The following ELAVL1 variants were observed in gnomAD, a reference collection of about 807,000 sequenced individuals.
ELAVL1 encodes ELAV like RNA binding protein 1.
In ELAVL1, 1 loss-of-function variant was observed where a neutral mutation model predicts 28.4. The observed-to-expected ratio is 0.04, with a 90% confidence interval of 0.01 to 0.17. The LOEUF (loss-of-function observed/expected upper bound fraction) is 0.17. ELAVL1 is among the 10% of genes least tolerant of loss of function. The pLI is 1.00. For synonymous variants in ELAVL1, 174 were observed against 183.5 expected, an observed-to-expected ratio of 0.95 and a Z score of 0.42; for missense variants, 157 against 447.2, an observed-to-expected ratio of 0.35 and a Z score of 5.85.
intron 4 of ELAVL1, among the ~76,000 whole-genome samples, chr19:7,968,521 T>G (rs879462415): frequency 6.6e-6 from 1 of 152,174 alleles, no homozygotes; most frequent in African/African-American, 2.4e-5. Flanking sequence ...GCTGAACCTA[T>G]CCACAGGCTC....
rs1264668210 is a variant in ELAVL1 at position 7,969,829 on chromosome 19, TGAAAGGAA to T, written c.431-2047_431-2040del. ...GGCTTTCAAATGCAAACTGCCTGAGTGAAAGGAAGAAAGCTCTAGTAAGGGGGGCAGGA... is the reference window on the plus strand; with the variant it reads ...GGCTTTCAAATGCAAACTGCCTGAGTGAAAGCTCTAGTAAGGGGGGCAGGA... On this transcript the variant is annotated intron_variant, in intron 4 of 5. Transcript: ENST00000407627. Among the ~76,000 whole-genome samples, 14 of 151,600 alleles carry T rather than the reference TGAAAGGAA, an allele frequency of 9.2e-5. No homozygotes were observed. The East Asian group carries it at 2.7e-3, about 29-fold the overall frequency.
intron 2 of ELAVL1, among the ~76,000 whole-genome samples, chr19:7,987,242 C>T (rs1985631702): frequency 6.6e-6 from 1 of 152,044 alleles, no homozygotes; most frequent in Admixed American, 6.5e-5. Context: ...GGCTTTAACC[C>T]GACCAGAGAT....
intron 1 of ELAVL1, among the ~76,000 whole-genome samples, chr19:7,993,408 C>T (rs1177526129): frequency 6.6e-6 from 1 of 152,242 alleles, no homozygotes; most frequent in Non-Finnish European, 1.5e-5. Flanking sequence ...TGGTCCTCTG[C>T]ACCTGTTTAT....
chr19:7,975,817 G>A (rs1985265947), intron 3 of ELAVL1, among the ~76,000 whole-genome samples: 2 of 152,200 alleles, frequency 1.3e-5, no homozygotes, highest in Non-Finnish European at 2.9e-5. Context: ...ATAAAAGAGG[G>A]AAATTTAGGC....
Position 7,967,555 on chromosome 19 carries a change from C to A in ELAVL1, c.656+10G>T. On this transcript the variant is annotated intron_variant, in intron 5 of 5. Coordinates refer to ENST00000407627, the MANE Select transcript of ELAVL1 (RefSeq NM_001419.3). ...TATGGCTTTCAGGAGCGCGCACCCT[C>A]CCGACCCACCTGAATCTCTGCGCCT... The A allele has an allele frequency of 6.2e-7, 1 of 1,613,052 alleles. No homozygotes were observed. Among genetic ancestry groups the A allele is most frequent in the Non-Finnish European group, 8.5e-7 (1 of 1,179,696 alleles).
intron 3 of ELAVL1, among the ~76,000 whole-genome samples, chr19:7,974,394 C>T (rs1053108888): frequency 4.6e-5 from 7 of 152,226 alleles, no homozygotes; most frequent in South Asian, 2.1e-4. Flanking sequence ...CAATATTAAA[C>T]GACTCAATGC....
intron 1 of ELAVL1, among the ~76,000 whole-genome samples, chr19:7,997,259 G>A (rs763674991): frequency 2.0e-5 from 3 of 152,150 alleles, no homozygotes; most frequent in Non-Finnish European, 2.9e-5. Context: ...TGTGCAGAGC[G>A]GCATTATTCA....
rs62123122 is a variant in ELAVL1, at chr19:7,982,787, C to T, written c.173-1601G>A. Among the ~76,000 whole-genome samples the T allele has an allele frequency of 0.06, 9,185 of 152,282 alleles. 289 individuals are homozygous for T. The highest frequency in any genetic ancestry group is 0.07 in the Non-Finnish European group (4,776 of 68,036). On this transcript the variant is annotated intron_variant, in intron 2 of 5. Transcript: ENST00000407627. This position sits in a 1 kb window ranked among gnomAD's most constrained non-coding sequence, Gnocchi z 4.3. ...CAGTCACATCCCCTCAGGCTCCTCT[C>T]GACTATGACAGTTTCTTGTTTCTCG...
chr19:7,979,775 C>T lies in ELAVL1; in HGVS notation c.276+1308G>A, dbSNP rs926428275. On this transcript the variant is annotated intron_variant, in intron 3 of 5. Coordinates refer to ENST00000407627, the MANE Select transcript of ELAVL1 (RefSeq NM_001419.3). The surrounding 1 kb of genome is among the most constrained non-coding windows in gnomAD (Gnocchi z 5.4). Reference sequence around the variant, plus strand: ...CACACCACGTCCATGCGGCATGGGGCAGGTCTGGGAGAGCTGCTGCTGAGC... The same window carrying T: ...CACACCACGTCCATGCGGCATGGGGTAGGTCTGGGAGAGCTGCTGCTGAGC... Among the ~76,000 whole-genome samples the T allele has an allele frequency of 6.6e-6, 1 of 152,200 alleles. No individual in the cohort carries two copies. Among genetic ancestry groups the T allele is most frequent in the African/African-American group, 2.4e-5 (1 of 41,454 alleles).
chr19:8,003,060 G>A (rs1021258428), intron 1 of ELAVL1, among the ~76,000 whole-genome samples: 4 of 152,158 alleles, frequency 2.6e-5, no homozygotes, highest in Non-Finnish European at 4.4e-5. Flanking sequence ...TTTTCATAAA[G>A]TTTTTTCATA....
At chr19:7,978,760 G>A (rs1237237225) in intron 3 of ELAVL1, among the ~76,000 whole-genome samples, 1 of 152,158 alleles carries the variant, frequency 6.6e-6, no homozygotes, top group Non-Finnish European at 1.5e-5. Context: ...CCCCCAAAGG[G>A]TGACTGGCAT....
At chr19:7,975,280 A>G (rs1467254029) in intron 3 of ELAVL1, among the ~76,000 whole-genome samples, 1 of 152,106 alleles carries the variant, frequency 6.6e-6, no homozygotes, top group Non-Finnish European at 1.5e-5. Context: ...CCAAACCATG[A>G]CCCTGGCGCC....
intron 2 of ELAVL1, among the ~76,000 whole-genome samples, chr19:7,989,632 G>C (rs966239953): frequency 6.6e-6 from 1 of 152,224 alleles, no homozygotes; most frequent in Non-Finnish European, 1.5e-5. Context: ...ACCAGAAAGA[G>C]GAAAAAGGTG....
chr19:7,971,962 G>C (rs1985125687), intron 4 of ELAVL1, among the ~76,000 whole-genome samples: 2 of 152,380 alleles, frequency 1.3e-5, no homozygotes, highest in South Asian at 2.1e-4. Context: ...GCACATGAAA[G>C]GCGAGGCTCT....
intron 1 of ELAVL1, among the ~76,000 whole-genome samples, chr19:7,995,247 CA>C (rs1985846951): frequency 6.6e-6 from 1 of 152,234 alleles, no homozygotes; most frequent in Non-Finnish European, 1.5e-5. Flanking sequence ...AATTAAAATG[CA>C]CATTGAAGCT....
chr19:7,968,673 C>T (rs930597978), intron 4 of ELAVL1, among the ~76,000 whole-genome samples: 6 of 152,378 alleles, frequency 3.9e-5, no homozygotes, highest in Middle Eastern at 3.4e-3. Context: ...CTGGACGGAG[C>T]AGTGTGAGAC....
intron 1 of ELAVL1, chr19:8,002,130 T>C: frequency 7.8e-7 from 1 of 1,289,292 alleles, no homozygotes; most frequent in Non-Finnish European, 1.0e-6. Context: ...AGCCTTCTTG[T>C]CCCTAAAGAA....
rs1452782828 is a variant in ELAVL1 at position 7,981,805 on chromosome 19, G to T, written c.173-619C>A. The stretch of plus-strand genomic sequence containing the variant: ...GGTGCCGGCCGCTCTGTGGGGCCTG[G>T]GTGGTGAGGATGAGGAAGGCCACGG... On this transcript the variant is annotated intron_variant, in intron 2 of 5. Coordinates refer to ENST00000407627, the MANE Select transcript of ELAVL1 (RefSeq NM_001419.3). This position sits in a 1 kb window ranked among gnomAD's most constrained non-coding sequence, Gnocchi z 4.2. Among the ~76,000 whole-genome samples the T allele has an allele frequency of 6.6e-6, 1 of 152,170 alleles. No homozygotes were observed. The highest frequency in any genetic ancestry group is 2.4e-5 in the African/African-American group (1 of 41,446).
At chr19:7,988,987 T>C (rs1019956504) in intron 2 of ELAVL1, among the ~76,000 whole-genome samples, 2 of 151,312 alleles carry the variant, frequency 1.3e-5, no homozygotes, top group African/African-American at 4.9e-5. Context: ...CAGCTGAGGG[T>C]GAAGGGGGTG....
Sources: allele counts gnomAD v4.1 joint callset (sites outside exome capture counted in the v4.1 genomes callset), GRCh38; gene constraint gnomAD v4.1.1; non-coding constraint Gnocchi (gnomAD v3.1); transcripts MANE v1.5; gene names NCBI Gene and HGNC (gene_info 2026-07-23, HGNC 2026-07-21).